Variants in ZFAT observed in about 807,000 individuals in gnomAD.
The protein encoded by ZFAT is zinc finger protein ZFAT.
A neutral mutation model predicts 117.7 loss-of-function variants in ZFAT; 64 were observed. That is an observed-to-expected ratio of 0.54 (90% CI 0.44 to 0.67). ZFAT has a LOEUF of 0.67. ZFAT is among the 30% of genes least tolerant of loss of function. The pLI, the probability that ZFAT is intolerant of heterozygous loss-of-function variation, is 0.00. For synonymous variants in ZFAT, 679 were observed against 615.0 expected (o/e 1.10, Z -1.54); for missense variants, 1,433 against 1,584.5 (o/e 0.90, Z 1.62).
chr8:134,632,912 T>C (rs1829981487), intron 3 of ZFAT, among the ~76,000 whole-genome samples: 1 of 152,026 alleles, frequency 6.6e-6, no homozygotes, highest in Admixed American at 6.6e-5. Flanking sequence ...GGCAACAAAT[T>C]AAAACAATTA....
chr8:134,597,194 T>C (rs1362655510), intron 7 of ZFAT, among the ~76,000 whole-genome samples: 1 of 152,160 alleles, frequency 6.6e-6, no homozygotes, highest in Non-Finnish European at 1.5e-5. Context: ...CAGATCTTTT[T>C]TTTTTTTGTA....
At chr8:134,724,204 C>G in the ZFAT span, among the ~76,000 whole-genome samples, 21 of 152,160 alleles carry the variant, frequency 1.4e-4, no homozygotes, top group Non-Finnish European at 2.5e-4. Context: ...TGGTCACCAT[C>G]TTGGAGGGTG....
chr8:134,659,276 C>G (rs993667947), intron 1 of ZFAT, among the ~76,000 whole-genome samples: 6 of 152,200 alleles, frequency 3.9e-5, no homozygotes, highest in Non-Finnish European at 7.3e-5. Flanking sequence ...CCCTTCCAGC[C>G]CGCCTGCGTC....
intron 8 of ZFAT, among the ~76,000 whole-genome samples, chr8:134,588,986 C>G (rs1412807057): frequency 6.6e-6 from 1 of 152,098 alleles, no homozygotes; most frequent in East Asian, 1.9e-4. Context: ...CTGGAATATA[C>G]TTTAAAATAT....
At chr8:134,737,537 T>TCAAAGTGTGTCTTA in the ZFAT span, among the ~76,000 whole-genome samples, 1 of 151,594 alleles carries the variant, frequency 6.6e-6, no homozygotes, top group Non-Finnish European at 1.5e-5. Flanking sequence ...GTGGGGAAGG[T>TCAAAGTGTGTCTTA]CAAAGCAAAG....
At position 134,609,011 on chromosome 8, in the gene ZFAT, T is replaced by A. The variant is rs1828117750; in HGVS notation, c.635-132A>T. The stretch of plus-strand genomic sequence containing the variant: ...GATACCCACGCAAGATAGTTTTCAC[T>A]CAGCTCGCACATTTACATTTTTTGG... On this transcript the variant is annotated intron_variant, in intron 4 of 15. Transcript: ENST00000377838. 4.5e-6 allele frequency: 5 copies of A among 1,113,840 alleles called. No individual in the cohort carries two copies. The South Asian group carries it at 9.6e-5, about 21-fold the overall frequency. 69.0% of individuals were successfully genotyped at this position (1,113,840 alleles called of 1,614,324 possible). A position where few individuals can be genotyped will look rare whatever the true frequency, so the allele number is the denominator to read the frequency against.
chr8:134,827,769 A>G, the ZFAT span, among the ~76,000 whole-genome samples: 201 of 151,288 alleles, frequency 1.3e-3, 1 homozygote, highest in African/African-American at 4.6e-3. Flanking sequence ...CTCTGTCTAA[A>G]AAAAAAAAAA....
At chr8:134,528,786 A>G (rs926862330) in intron 12 of ZFAT, among the ~76,000 whole-genome samples, 1 of 152,170 alleles carries the variant, frequency 6.6e-6, no homozygotes, top group African/African-American at 2.4e-5. Flanking sequence ...TAGAATACAG[A>G]GCTTTGGCGG....
At chr8:134,508,664 T>C (rs1007774272) in intron 15 of ZFAT, among the ~76,000 whole-genome samples, 5 of 152,230 alleles carry the variant, frequency 3.3e-5, no homozygotes, top group African/African-American at 1.2e-4. Context: ...CTTTATGTCA[T>C]ACTGGTTTAT....
At chr8:134,559,974 A>AT (rs1006930926) in intron 11 of ZFAT, among the ~76,000 whole-genome samples, 3 of 152,150 alleles carry the variant, frequency 2.0e-5, no homozygotes, top group African/African-American at 7.2e-5. Context: ...TCCAGTCAAT[A>AT]TTTTTTTCTT....
At chr8:134,514,186 A>G (rs1050801269) in intron 13 of ZFAT, among the ~76,000 whole-genome samples, 12 of 152,166 alleles carry the variant, frequency 7.9e-5, no homozygotes, top group Admixed American at 7.9e-4. Flanking sequence ...TCACCATCTC[A>G]TGGAGATGAG....
At chr8:134,756,304 G>T in the ZFAT span, among the ~76,000 whole-genome samples, 1 of 152,186 alleles carries the variant, frequency 6.6e-6, no homozygotes, top group East Asian at 1.9e-4. Context: ...TTCTCATTTG[G>T]TTTGACTTTA....
At chr8:134,608,152 A>C (rs2130958202) in intron 5 of ZFAT, among the ~76,000 whole-genome samples, 1 of 152,376 alleles carries the variant, frequency 6.6e-6, no homozygotes, top group East Asian at 1.9e-4. Context: ...CTTTTAAAAA[A>C]AAGTTGAAAA....
In ZFAT at chr8:134,702,137, C is replaced by A. The variant is rs757598024; in HGVS notation, c.19+10708G>T. 2.6e-5 allele frequency among the ~76,000 whole-genome samples: 4 copies of A among 152,302 alleles called. No individual in the cohort carries two copies. The East Asian group carries it at 7.7e-4, about 29-fold the overall frequency. ...TACCCACCCAGCAAGAAGGCCCTCA[C>A]CAGATGCAGCCCCTTGACCTTGGCC... On this transcript the variant is annotated intron_variant, in intron 1 of 15. Coordinates refer to ENST00000377838, the MANE Select transcript of ZFAT (RefSeq NM_020863.4).
chr8:134,691,730 T>TTAAAA, intron 1 of ZFAT, among the ~76,000 whole-genome samples: 1 of 152,232 alleles, frequency 6.6e-6, no homozygotes, highest in East Asian at 1.9e-4. Context: ...AATCATGTAT[T>TTAAAA]TAATGCTGTG....
the ZFAT span, among the ~76,000 whole-genome samples, chr8:134,727,634 T>C: frequency 6.6e-6 from 1 of 152,208 alleles, no homozygotes; most frequent in Admixed American, 6.5e-5. Context: ...TAGGGCTTTT[T>C]TTTGAGAAGT....
chr8:134,601,437 G>C, intron 6 of ZFAT, 40 bp downstream of exon 6: 2 of 1,562,448 alleles, frequency 1.3e-6, no homozygotes, highest in Non-Finnish European at 1.7e-6. Context: ...CAGCATGATG[G>C]TTGTGGACAG....
intron 12 of ZFAT, among the ~76,000 whole-genome samples, chr8:134,526,790 T>C (rs906355609): frequency 1.3e-5 from 2 of 152,166 alleles, no homozygotes; most frequent in South Asian, 4.1e-4. Context: ...TCTTGGGTCT[T>C]GGTTTTCTCT....
the ZFAT span, among the ~76,000 whole-genome samples, chr8:134,807,434 T>C: frequency 1.0e-3 from 137 of 136,782 alleles, no homozygotes; most frequent in African/African-American, 4.0e-3. Flanking sequence ...AGATAAATAT[T>C]CTGGAAAAAA....
Sources: gnomAD v4.1 joint callset for allele counts (sites outside exome capture counted in the v4.1 genomes callset) on GRCh38, gnomAD v4.1.1 for gene constraint, MANE v1.5 for transcripts, NCBI Gene and HGNC (gene_info 2026-07-23, HGNC 2026-07-21) for gene names.